HLA-DQB2: variants seen among roughly 807,000 people sequenced by gnomAD.
HLA-DQB2 encodes the protein HLA class II histocompatibility antigen, DQ beta 2 chain.
Under a neutral mutation model 29.2 loss-of-function variants are expected in HLA-DQB2, and 24 were observed. The ratio of observed to expected loss-of-function variants is 0.82; its 90% CI spans 0.60 to 1.16. The LOEUF (loss-of-function observed/expected upper bound fraction) is 1.16, where lower values mean the gene tolerates loss of function less well. HLA-DQB2 is among the 50% of genes most tolerant of loss of function. The probability of loss-of-function intolerance (pLI) is 0.00; values close to 1 mark genes in which losing one functional copy is unlikely to be tolerated. For missense variants in HLA-DQB2, 273 were observed against 343.6 expected (o/e 0.79, Z 1.62); for synonymous variants, 104 against 133.1 (o/e 0.78, Z 1.51).
chr6:32,758,816 G>A, intron 3 of HLA-DQB2, 34 bp downstream of exon 3: 1 of 1,595,046 alleles, frequency 6.3e-7, no homozygotes, highest in East Asian at 2.2e-5. Flanking sequence ...TGTCTTGTGG[G>A]GCCCACAGTA....
chr6:32,763,411 C>A lies in HLA-DQB2; in HGVS notation c.60G>T (p.Met20Ile), dbSNP rs1381155853. ...TGGCCTCAGCCACTGGGGTGCTCAG[C>A]ATCACCAGCATCACGGTCACAGCTG... is the stretch of plus-strand genomic sequence containing the variant. ...WAAAVTVMLV[M>I]LSTPVAEARD... Residue 20 changes from methionine to isoleucine, a missense_variant, in exon 1 of 6, where the codon ATG becomes ATT. Coordinates refer to ENST00000437316, the MANE Select transcript of HLA-DQB2 (RefSeq NM_001300790.2). 6.4e-7 allele frequency: 1 copy of A among 1,565,742 alleles called. No individual in the cohort carries two copies. Among genetic ancestry groups the A allele is most frequent in the Non-Finnish European group, 8.7e-7 (1 of 1,154,644 alleles).
At chr6:32,759,265 C>A (rs753935324) in intron 2 of HLA-DQB2, 134 bp from the exon 3 acceptor site, 66,082 of 821,058 alleles carry the variant, frequency 0.08, no homozygotes, top group Middle Eastern at 0.12. Flanking sequence ...ATTAAGGTTC[C>A]TTCAACAAAT....
Position 32,757,806 on chromosome 6 carries a change from G to A in HLA-DQB2, c.724C>T (p.Leu242=), listed in dbSNP as rs982563562. 2 of 1,613,714 alleles carry A rather than the reference G, an allele frequency of 1.2e-6. No individual in the cohort carries two copies. Among genetic ancestry groups the A allele is most frequent in the African/African-American group, 2.7e-5 (2 of 75,014 alleles). ...CCCCTGTGACGGATGATAAGGCCCA[G>A]CCCGAGGAAGATCAGCCCCAGCACG... ...GFVLGLIFLG[L]GLIIRHRGQK... is the part of the protein sequence containing the mutation. The change falls in exon 4 of 6, where the codon CTG becomes TTG. Residue 242 remains leucine (L), a synonymous_variant. Coordinates refer to ENST00000437316, the MANE Select transcript of HLA-DQB2 (RefSeq NM_001300790.2).
intron 1 of HLA-DQB2, 119 bp from the exon 2 acceptor site, chr6:32,762,045 G>C (rs895560519): frequency 7.7e-7 from 1 of 1,306,626 alleles, no homozygotes; most frequent in Non-Finnish European, 1.0e-6. Flanking sequence ...ACCCGTCCAC[G>C]CGAAATTGAG....
intron 5 of HLA-DQB2, 151 bp from the exon 6 acceptor site, chr6:32,756,617 A>C: frequency 1.0e-5 from 14 of 1,393,474 alleles, no homozygotes; most frequent in Non-Finnish European, 1.2e-5. Flanking sequence ...GTGTAAAGGT[A>C]AAATCAGCTC....
intron 3 of HLA-DQB2, 118 bp downstream of exon 3, chr6:32,758,732 C>T: frequency 1.6e-6 from 2 of 1,232,654 alleles, no homozygotes; most frequent in Non-Finnish European, 2.2e-6. Context: ...CTCTAGTCTC[C>T]TGTGATTCCC....
In HLA-DQB2 at chr6:32,757,258, C is replaced by A. The variant is rs772927042; in HGVS notation, c.781+23G>T. 5.2e-6 allele frequency: 8 copies of A among 1,550,488 alleles called. No individual in the cohort carries two copies. In the South Asian group the frequency reaches 9.5e-5, roughly 18 times the overall value. ...CTTATGCCTGTGCCCTCTCCCCTGA[C>A]TGGATCATGGCTGAAATATTACCTG... On this transcript the variant is annotated intron_variant, in intron 5 of 5. Transcript: ENST00000437316.
At chr6:32,756,947 C>T in intron 5 of HLA-DQB2, 5 of 1,201,544 alleles carry the variant, frequency 4.2e-6, no homozygotes, top group Non-Finnish European at 5.2e-6. Flanking sequence ...AACTTTTCCC[C>T]TAAGTCTTAA....
chr6:32,762,045 G>A, intron 1 of HLA-DQB2, 119 bp from the exon 2 acceptor site: 2 of 1,306,626 alleles, frequency 1.5e-6, no homozygotes, highest in Non-Finnish European at 2.1e-6. Context: ...ACCCGTCCAC[G>A]CGAAATTGAG....
Position 32,761,925 on chromosome 6 carries a change from C to A in HLA-DQB2, c.99G>T (p.Lys33Asn). The A allele has an allele frequency of 1.2e-6, 2 of 1,608,882 alleles. No individual in the cohort carries two copies. The highest frequency in any genetic ancestry group is 1.7e-6 in the Non-Finnish European group (2 of 1,178,032). The change falls in exon 2 of 6, where the codon AAG becomes AAT. Residue 33 changes from lysine (K) to asparagine (N), a missense_variant and splice_region_variant. Lys to Asn is a moderately conservative substitution (Grantham distance 94). Coordinates refer to ENST00000437316, the MANE Select transcript of HLA-DQB2 (RefSeq NM_001300790.2). ...TPVAEARDFP[K>N]DFLVQFKGMC... is the part of the protein sequence containing the mutation. The stretch of plus-strand genomic sequence containing the variant: ...TGCCCTTAAACTGGACCAAGAAATC[C>A]TCTGCGGAGAATCACGGCGGGTCAG...
chr6:32,763,152 C>T (rs957079123), intron 1 of HLA-DQB2, among the ~76,000 whole-genome samples: 2 of 151,590 alleles, frequency 1.3e-5, no homozygotes, highest in Non-Finnish European at 2.9e-5. Flanking sequence ...TTTCCTCTCT[C>T]CTCCTTCAGG....
chr6:32,761,282 C>T (rs556903713), intron 2 of HLA-DQB2, among the ~76,000 whole-genome samples: 5 of 53,548 alleles, frequency 9.3e-5, no homozygotes, highest in African/African-American at 4.4e-4. Flanking sequence ...GTGGGGCGGA[C>T]GGGCAGGGGA....
intron 2 of HLA-DQB2, among the ~76,000 whole-genome samples, chr6:32,760,376 C>T (rs138905350): frequency 6.6e-6 from 1 of 151,830 alleles, no homozygotes. Flanking sequence ...TAAAAGAATG[C>T]TGTGTATTTG....
In HLA-DQB2 at chr6:32,759,045, G is replaced by T; in HGVS notation, c.451C>A (p.Pro151Thr). 2 of 1,614,218 alleles carry T rather than the reference G, an allele frequency of 1.2e-6. No individual in the cohort carries two copies. The highest frequency in any genetic ancestry group is 2.2e-5 in the South Asian group (2 of 91,088). The change falls in exon 3 of 6, where the codon CCA becomes ACA. Residue 151 changes from proline to threonine, a missense_variant. Physicochemically the swap from Pro to Thr is conservative, Grantham distance 38 (BLOSUM62 -1). Transcript: ENST00000437316. Reference sequence around the variant, plus strand: ...AACCACCGGACTTTGATCTGGGCTGGATAGAAATCTGTCACCGAGCAGACC... The same window carrying T: ...AACCACCGGACTTTGATCTGGGCTGTATAGAAATCTGTCACCGAGCAGACC... ...LLVCSVTDFY[P>T]AQIKVRWFRN...
At chr6:32,760,404 T>C (rs1432963344) in intron 2 of HLA-DQB2, among the ~76,000 whole-genome samples, 3 of 152,190 alleles carry the variant, frequency 2.0e-5, no homozygotes, top group African/African-American at 4.8e-5. Flanking sequence ...CTTCAGGTCC[T>C]GGTGCATAAC....
At position 32,759,079 on chromosome 6, in the gene HLA-DQB2, G is replaced by T. The variant is rs909915862; in HGVS notation, c.417C>A (p.His139Gln). The change falls in exon 3 of 6, where the codon CAC becomes CAA. Residue 139 changes from histidine to glutamine, a missense_variant. Physicochemically the swap from His to Gln is conservative, Grantham distance 24 (BLOSUM62 0). Coordinates refer to ENST00000437316, the MANE Select transcript of HLA-DQB2 (RefSeq NM_001300790.2). ...SPSRTEALNHHNLLVCSVTDF... is the reference protein window; with the variant it reads ...SPSRTEALNHQNLLVCSVTDF... ...CTGTCACCGAGCAGACCAGCAGGTT[G>T]TGGTGGTTGAGGGCCTCTGTCCTGG... is the stretch of plus-strand genomic sequence containing the variant. 8 of 1,613,906 alleles carry T rather than the reference G, an allele frequency of 5.0e-6. No homozygotes were observed. Among genetic ancestry groups the T allele is most frequent in the Non-Finnish European group, 6.8e-6 (8 of 1,179,948 alleles).
At chr6:32,757,369 G>A in intron 4 of HLA-DQB2, 65 bp from the exon 5 acceptor site, 4 of 1,190,052 alleles carry the variant, frequency 3.4e-6, no homozygotes, top group Non-Finnish European at 4.9e-6. Flanking sequence ...TACCCCAAAG[G>A]AAAATGACAC....
intron 5 of HLA-DQB2, chr6:32,757,079 G>A (rs1400921991): frequency 7.0e-7 from 1 of 1,422,080 alleles, no homozygotes; most frequent in Non-Finnish European, 9.2e-7. Flanking sequence ...GAGTGCAGTG[G>A]CGCCATCTTG....
At chr6:32,758,027 A>C in intron 3 of HLA-DQB2, 144 bp from the exon 4 acceptor site, 1 of 631,602 alleles carries the variant, frequency 1.6e-6, no homozygotes, top group Non-Finnish European at 2.6e-6. Context: ...CTTTGGACAC[A>C]ATAGGTGGGT....
Sources: gnomAD v4.1 joint callset for allele counts (sites outside exome capture counted in the v4.1 genomes callset) on GRCh38, gnomAD v4.1.1 for gene constraint, MANE v1.5 for transcripts, NCBI Gene and HGNC (gene_info 2026-07-23, HGNC 2026-07-21) for gene names.